Variants in PITPNC1 observed in about 807,000 individuals in gnomAD.
PITPNC1 encodes the protein phosphatidylinositol transfer protein cytoplasmic 1, also known as cytoplasmic phosphatidylinositol transfer protein 1.
A neutral mutation model predicts 44.7 loss-of-function variants in PITPNC1; 18 were observed. The observed-to-expected ratio is 0.40, with a 90% CI of 0.28 to 0.60. PITPNC1 has a LOEUF of 0.60. Among genes scored for constraint, PITPNC1 ranks in the 20% least tolerant of loss-of-function variants. The probability of loss-of-function intolerance (pLI) is 0.39; values close to 1 mark genes in which losing one functional copy is unlikely to be tolerated. For synonymous variants in PITPNC1, 141 were observed against 149.6 expected (o/e 0.94, Z 0.42); for missense variants, 290 against 418.4 (o/e 0.69, Z 2.68).
intron 6 of PITPNC1, among the ~76,000 whole-genome samples, chr17:67,665,662 C>T (rs1371929874): frequency 1.3e-5 from 2 of 152,124 alleles, no homozygotes; most frequent in Non-Finnish European, 2.9e-5. Flanking sequence ...ATTCTGATGT[C>T]CCAGCCACAT....
intron 1 of PITPNC1, among the ~76,000 whole-genome samples, chr17:67,417,654 T>G (rs1567981913): frequency 6.6e-6 from 1 of 152,214 alleles, no homozygotes; most frequent in Non-Finnish European, 1.5e-5. Context: ...GCACAGCTCT[T>G]AAGTTATTTC....
rs2041859630 is a variant in PITPNC1, at chr17:67,623,535, C to T, written c.367-8608C>T. On this transcript the variant is annotated intron_variant, in intron 5 of 8. Transcript: ENST00000581322. Reference sequence around the variant, plus strand: ...GAGCAGCTGGGACTACAGGCATACGCCACCATGCCCAGCTAATTTCTGTAT... The same window carrying T: ...GAGCAGCTGGGACTACAGGCATACGTCACCATGCCCAGCTAATTTCTGTAT... Among the ~76,000 whole-genome samples the T allele has an allele frequency of 1.3e-5, 2 of 152,176 alleles. 1 individual carries two copies. The highest frequency in any genetic ancestry group is 4.8e-5 in the African/African-American group (2 of 41,428).
At chr17:67,550,449 A>C (rs1436617463) in intron 2 of PITPNC1, among the ~76,000 whole-genome samples, 1 of 151,672 alleles carries the variant, frequency 6.6e-6, no homozygotes, top group Admixed American at 6.6e-5. Context: ...TGGAAAAGAC[A>C]GGCAAGGTAC....
rs543587899 is a variant in PITPNC1 at position 67,582,232 on chromosome 17, G to A, written c.366+3975G>A. On this transcript the variant is annotated intron_variant, in intron 5 of 8. Coordinates refer to ENST00000581322, the MANE Select transcript of PITPNC1 (RefSeq NM_012417.4). ...CTGGTGTGCTCTTTTTCTGTCCTGG[G>A]TTGAGTGTGGAGTTTTTGGTGGGAG... Among the ~76,000 whole-genome samples the A allele has an allele frequency of 3.9e-5, 6 of 152,264 alleles. No individual in the cohort carries two copies. The South Asian group carries it at 6.2e-4, about 16-fold the overall frequency.
At chr17:67,379,755 A>T (rs377270961) in intron 1 of PITPNC1, among the ~76,000 whole-genome samples, 8 of 152,266 alleles carry the variant, frequency 5.3e-5, no homozygotes, top group African/African-American at 1.9e-4. Flanking sequence ...GGAGGCATGG[A>T]TCCCTCTACT....
chr17:67,629,238 CTGTGTGTGTG>C (rs71139164), intron 5 of PITPNC1, among the ~76,000 whole-genome samples: 3 of 131,228 alleles, frequency 2.3e-5, no homozygotes, highest in African/African-American at 8.7e-5. Context: ...CTGGGGTATT[CTGTGTGTGTG>C]TGTGTGTGTG....
chr17:67,552,451 G>A (rs2040779638), intron 3 of PITPNC1, 106 bp downstream of exon 3: 4 of 710,060 alleles, frequency 5.6e-6, no homozygotes, highest in Non-Finnish European at 1.0e-5. Context: ...CCTTGTGGGA[G>A]CCCCGTAGTA....
chr17:67,667,490 C>CAAAAAAAAAAA (rs71139168), intron 6 of PITPNC1, among the ~76,000 whole-genome samples: 2 of 107,638 alleles, frequency 1.9e-5, no homozygotes, highest in African/African-American at 3.4e-5. Context: ...GATCCTTTCT[C>CAAAAAAAAAAA]AAAAAAAAAA....
chr17:67,386,876 AAC>A (rs1354616889), intron 1 of PITPNC1, among the ~76,000 whole-genome samples: 2 of 152,210 alleles, frequency 1.3e-5, no homozygotes, highest in Non-Finnish European at 2.9e-5. Flanking sequence ...ATGTATCTTT[AAC>A]AAATTCAGCC....
chr17:67,548,463 C>T (rs1445902354), intron 2 of PITPNC1, among the ~76,000 whole-genome samples: 1 of 152,084 alleles, frequency 6.6e-6, no homozygotes, highest in Non-Finnish European at 1.5e-5. Flanking sequence ...TGGTGGCATG[C>T]ACCTGTAATC....
intron 1 of PITPNC1, among the ~76,000 whole-genome samples, chr17:67,498,162 G>A (rs35523495): frequency 4.9e-4 from 75 of 152,262 alleles, no homozygotes; most frequent in African/African-American, 1.7e-3. Flanking sequence ...GGGCCACTGC[G>A]CTTGGCCTCT....
chr17:67,608,582 T>C (rs1258261700), intron 5 of PITPNC1, among the ~76,000 whole-genome samples: 1 of 151,522 alleles, frequency 6.6e-6, no homozygotes, highest in Non-Finnish European at 1.5e-5. Flanking sequence ...CCTCCACCTC[T>C]TGAGCTCCAG....
chr17:67,533,024 T>A, intron 2 of PITPNC1, 74 bp downstream of exon 2: 2 of 1,177,570 alleles, frequency 1.7e-6, no homozygotes, highest in Non-Finnish European at 2.4e-6. Flanking sequence ...GTGGAGGCAG[T>A]GGGTGTCTGG....
chr17:67,536,003 A>C (rs2144134199), intron 2 of PITPNC1, among the ~76,000 whole-genome samples: 2 of 152,358 alleles, frequency 1.3e-5, no homozygotes, highest in Middle Eastern at 3.4e-3. Context: ...TCTGAGACTC[A>C]TATTGAAAGA....
intron 8 of PITPNC1, among the ~76,000 whole-genome samples, chr17:67,685,371 G>A (rs1266320551): frequency 6.6e-6 from 1 of 152,174 alleles, no homozygotes. Context: ...AATAGACCAG[G>A]TCTGGATTTA....
chr17:67,426,153 G>C (rs1195379177), intron 1 of PITPNC1, among the ~76,000 whole-genome samples: 1 of 152,148 alleles, frequency 6.6e-6, no homozygotes, highest in Non-Finnish European at 1.5e-5. Context: ...CTTTTACACT[G>C]TTGGTGGGAA....
intron 4 of PITPNC1, among the ~76,000 whole-genome samples, chr17:67,566,184 A>T (rs2040978105): frequency 6.6e-6 from 1 of 151,956 alleles, no homozygotes; most frequent in South Asian, 2.1e-4. Flanking sequence ...TTCATGCTGG[A>T]GTTCTGGGCA....
rs2042480038 is a variant in PITPNC1 at position 67,669,689 on chromosome 17, G to C, written c.618+26G>C. On this transcript the variant is annotated intron_variant, in intron 7 of 8. Coordinates refer to ENST00000581322, the MANE Select transcript of PITPNC1 (RefSeq NM_012417.4). ...GTAAGTGGTCCAACAGCAGTTCCTG[G>C]GCTGTGGACAAGGTAACTGTCTATA... is the stretch of plus-strand genomic sequence containing the variant. The C allele has an allele frequency of 1.9e-6, 3 of 1,546,470 alleles. No individual in the cohort carries two copies. In the South Asian group the frequency reaches 3.5e-5, roughly 18 times the overall value.
intron 1 of PITPNC1, among the ~76,000 whole-genome samples, chr17:67,478,373 C>T (rs1294354430): frequency 6.6e-6 from 1 of 152,186 alleles, no homozygotes. Context: ...TAAATCTGTA[C>T]TTTCATTTTG....
Sources: gnomAD v4.1 joint callset for allele counts (sites outside exome capture counted in the v4.1 genomes callset) on GRCh38, gnomAD v4.1.1 for gene constraint, MANE v1.5 for transcripts, NCBI Gene and HGNC (gene_info 2026-07-23, HGNC 2026-07-21) for gene names.